The following CFAP20DC variants were observed in gnomAD, a reference collection of about 807,000 sequenced individuals.
CFAP20DC encodes protein CFAP20DC.
CFAP20DC carries 84 observed loss-of-function variants against 101.7 expected under a neutral mutation model. That is an observed-to-expected ratio of 0.83 (90% CI 0.69 to 0.99). The LOEUF is 0.99. Among genes scored for constraint, CFAP20DC ranks in the 50% least tolerant of loss-of-function variants. CFAP20DC has a pLI of 0.00. For missense variants in CFAP20DC, 1,007 were observed against 970.3 expected, an observed-to-expected ratio of 1.04 and a Z score of -0.50; for synonymous variants, 359 against 351.2, an observed-to-expected ratio of 1.02 and a Z score of -0.25.
chr3:58,937,580 A>G (rs1576393521), intron 5 of CFAP20DC, 68 bp downstream of exon 5: 1 of 943,364 alleles, frequency 1.1e-6, no homozygotes, highest in East Asian at 2.4e-5. Context: ...TCACATATGG[A>G]GTCAGCCCAT....
rs368856467 is a variant in CFAP20DC, at chr3:58,734,906, C to T, written c.198-17278G>A. On this transcript the variant is annotated intron_variant, in intron 3 of 3. Coordinates refer to the CFAP20DC transcript ENST00000486145. ...AATTCCTAGTGCTCTCCCATCATCT[C>T]GTATTTAGAAGAACGCTACAGATAA... 1.2e-4 allele frequency among the ~76,000 whole-genome samples: 19 copies of T among 152,182 alleles called. 1 individual carries two copies. In the East Asian group the frequency reaches 2.3e-3, roughly 19 times the overall value.
At chr3:59,046,385 T>C (rs1202165760) in intron 2 of CFAP20DC, 63 bp from the exon 3 acceptor site, 3 of 1,065,808 alleles carry the variant, frequency 2.8e-6, no homozygotes, top group Non-Finnish European at 4.0e-6. Context: ...TACTATAAAA[T>C]TGAAACTTCA....
At chr3:58,774,195 A>G (rs1224809057) in intron 15 of CFAP20DC, among the ~76,000 whole-genome samples, 1 of 152,196 alleles carries the variant, frequency 6.6e-6, no homozygotes, top group Non-Finnish European at 1.5e-5. Flanking sequence ...AAAAAATGCT[A>G]TCAAGGCCTA....
At chr3:58,825,223 G>A (rs564900552) in intron 14 of CFAP20DC, among the ~76,000 whole-genome samples, 1 of 152,194 alleles carries the variant, frequency 6.6e-6, no homozygotes, top group African/African-American at 2.4e-5. Context: ...CATAAAAAGG[G>A]AAAATGTCCT....
intron 3 of CFAP20DC, among the ~76,000 whole-genome samples, chr3:58,733,335 C>T (rs939253279): frequency 2.6e-5 from 4 of 151,434 alleles, no homozygotes; most frequent in African/African-American, 9.7e-5. Flanking sequence ...GCACATGTAC[C>T]CTAAAACTTA....
At chr3:58,890,797 G>A (rs1335267539) in intron 6 of CFAP20DC, among the ~76,000 whole-genome samples, 2 of 146,560 alleles carry the variant, frequency 1.4e-5, no homozygotes, top group South Asian at 2.2e-4. Flanking sequence ...GGGCGGCGGG[G>A]CAGAGGCGCT....
chr3:58,795,567 A>G lies in CFAP20DC; in HGVS notation c.2237+10828T>C, dbSNP rs9850090. 9.9e-3 allele frequency among the ~76,000 whole-genome samples: 1,506 copies of G among 152,308 alleles called. 21 individuals are homozygous for G. Among genetic ancestry groups the G allele is most frequent in the African/African-American group, 0.035 (1,456 of 41,562 alleles). ...CTGAGCCCGGGAGGCCGAGGCTGCAATGAGCCATGATTGTGCCACTGCACT... is the reference window on the plus strand; with the variant it reads ...CTGAGCCCGGGAGGCCGAGGCTGCAGTGAGCCATGATTGTGCCACTGCACT... On this transcript the variant is annotated intron_variant, in intron 15 of 16. Coordinates refer to ENST00000482387, the MANE Select transcript of CFAP20DC (RefSeq NM_001394063.1). The surrounding 1 kb of genome is among the most constrained non-coding windows in gnomAD (Gnocchi z 4.2).
At chr3:58,765,709 G>T (rs1217975663) in intron 15 of CFAP20DC, among the ~76,000 whole-genome samples, 1 of 152,048 alleles carries the variant, frequency 6.6e-6, no homozygotes, top group Non-Finnish European at 1.5e-5. Context: ...AAAGCTCTGG[G>T]TCATTTTCAC....
At chr3:58,949,856 C>G (rs368535520) in intron 4 of CFAP20DC, among the ~76,000 whole-genome samples, 478 of 152,146 alleles carry the variant, frequency 3.1e-3, no homozygotes, top group African/African-American at 6.7e-3. Flanking sequence ...TTTGAAAACT[C>G]GCACAAGACA....
intron 4 of CFAP20DC, among the ~76,000 whole-genome samples, chr3:59,022,535 T>G (rs968011558): frequency 6.6e-6 from 1 of 152,016 alleles, no homozygotes; most frequent in African/African-American, 2.4e-5. Flanking sequence ...TGCTAAGAAA[T>G]AGTTTACTTT....
chr3:58,725,399 C>T (rs1479440064), intron 3 of CFAP20DC, among the ~76,000 whole-genome samples: 1 of 152,144 alleles, frequency 6.6e-6, no homozygotes, highest in East Asian at 1.9e-4. Context: ...TTTTTCCCAG[C>T]ACCCTTTCCC....
At chr3:58,737,626 G>C (rs985222736), downstream of CFAP20DC, among the ~76,000 whole-genome samples, 6 of 152,120 alleles carry the variant, frequency 3.9e-5, no homozygotes, top group African/African-American at 1.4e-4. The surrounding 1 kb of genome is among the most constrained non-coding windows in gnomAD (Gnocchi z 4.1). Flanking sequence ...ATTACCACTA[G>C]TCCAGTATTT....
At chr3:58,733,051 G>A (rs1398046235) in intron 3 of CFAP20DC, among the ~76,000 whole-genome samples, 1 of 152,182 alleles carries the variant, frequency 6.6e-6, no homozygotes, top group Non-Finnish European at 1.5e-5. Flanking sequence ...TTGATTATAG[G>A]GCAGGCGTGG....
At chr3:58,893,074 C>T (rs1421165161) in intron 6 of CFAP20DC, among the ~76,000 whole-genome samples, 2 of 146,824 alleles carry the variant, frequency 1.4e-5, no homozygotes, top group African/African-American at 2.5e-5. Flanking sequence ...GATGGAGTCT[C>T]GCTCAGTCGC....
At position 58,870,204 on chromosome 3, in the gene CFAP20DC, C is replaced by T; in HGVS notation, c.821G>A (p.Gly274Asp). Residue 274 changes from glycine (G) to aspartate (D), a missense_variant, in exon 8 of 17, where the codon GGC (glycine) becomes GAC (aspartate). By Grantham distance (94) the Gly-to-Asp change is moderately conservative. Transcript: ENST00000482387. ...GGATATCTTCATGTTATTCCTTCTG[C>T]CAGAGAGTGGAGGTGGCCCAAGAAC... ...SKVLGPPPLS[G>D]RRNNMKISSE... 1 of 1,614,066 alleles carries T rather than the reference C, an allele frequency of 6.2e-7. No homozygotes were observed. The highest frequency in any genetic ancestry group is 8.5e-7 in the Non-Finnish European group (1 of 1,179,994).
chr3:58,817,013 C>T (rs561099089), intron 14 of CFAP20DC, among the ~76,000 whole-genome samples: 1 of 152,102 alleles, frequency 6.6e-6, no homozygotes, highest in Non-Finnish European at 1.5e-5. Context: ...CTGGGAGGCA[C>T]CCCCCAGCAG....
chr3:58,866,478 C>T (rs2079702215), intron 11 of CFAP20DC, 88 bp downstream of exon 11: 1 of 1,155,024 alleles, frequency 8.7e-7, no homozygotes. Context: ...GGCTGCATCA[C>T]CACTTTTCAA....
chr3:58,807,077 G>A (rs1009138258), intron 14 of CFAP20DC, among the ~76,000 whole-genome samples: 14 of 152,320 alleles, frequency 9.2e-5, no homozygotes, highest in African/African-American at 3.1e-4. Context: ...AGCTCGACCT[G>A]GGTGGAGCCC....
chr3:58,758,847 T>A (rs183230715), intron 15 of CFAP20DC, among the ~76,000 whole-genome samples: 1,713 of 152,172 alleles, frequency 0.011, 127 homozygotes, highest in Admixed American at 0.1. Context: ...TTCATCCATG[T>A]CCCTACAAAG....
Sources: allele counts gnomAD v4.1 joint callset (sites outside exome capture counted in the v4.1 genomes callset), GRCh38; gene constraint gnomAD v4.1.1; non-coding constraint Gnocchi (gnomAD v3.1); transcripts MANE v1.5; gene names NCBI Gene and HGNC (gene_info 2026-07-23, HGNC 2026-07-21).